TENM1: variants seen among roughly 807,000 people sequenced by gnomAD.
TENM1 encodes the protein teneurin-1.
In TENM1, 35 loss-of-function variants were observed where a neutral mutation model predicts 174.8. The ratio of observed to expected loss-of-function variants is 0.20; its 90% CI spans 0.15 to 0.27. The LOEUF is 0.27. Among genes scored for constraint, TENM1 ranks in the 10% least tolerant of loss-of-function variants. The probability of loss-of-function intolerance (pLI) is 1.00; values close to 1 mark genes in which losing one functional copy is unlikely to be tolerated. For missense variants in TENM1, 1,633 were observed against 2,130.1 expected (o/e 0.77, Z 4.59); for synonymous variants, 781 against 798.7 (o/e 0.98, Z 0.37).
chrX:124,926,187 G>A (rs746301716), intron 1 of TENM1, among the ~76,000 whole-genome samples: 3 of 112,224 alleles, frequency 2.7e-5, no homozygotes, highest in South Asian at 7.5e-4. Flanking sequence ...CTGGCCACAT[G>A]TAGTAGAAAG....
chrX:124,546,841 G>T, intron 15 of TENM1, 33 bp downstream of exon 18: 1 of 1,083,966 alleles, frequency 9.2e-7, no homozygotes, highest in Non-Finnish European at 1.3e-6. Flanking sequence ...CATGACCATT[G>T]TTCACTAAGG....
intron 14 of TENM1, among the ~76,000 whole-genome samples, chrX:124,556,301 G>A (rs371910363): frequency 1.5e-4 from 16 of 108,275 alleles, no homozygotes; most frequent in African/African-American, 5.1e-4. Context: ...AAAATTAGTC[G>A]GAGGGGCGGG....
the TENM1 span, among the ~76,000 whole-genome samples, chrX:124,978,186 T>C: frequency 1.8e-5 from 2 of 111,397 alleles, no homozygotes; most frequent in Non-Finnish European, 3.8e-5. Context: ...GTTAAGTCTT[T>C]TCATAATTTC....
chrX:124,813,928 CA>C (rs983631115), intron 3 of TENM1, among the ~76,000 whole-genome samples: 5 of 108,972 alleles, frequency 4.6e-5, no homozygotes, highest in Non-Finnish European at 7.7e-5. Flanking sequence ...CTACCTATTA[CA>C]AAAAAAAAGA....
intron 3 of TENM1, among the ~76,000 whole-genome samples, chrX:124,743,995 C>A (rs1466919642): frequency 1.8e-5 from 2 of 111,500 alleles, no homozygotes; most frequent in Non-Finnish European, 3.8e-5. Flanking sequence ...GCAGCCCTCC[C>A]CCAGCCCATT....
At chrX:124,967,386 C>T (rs189423078), upstream of TENM1, among the ~76,000 whole-genome samples, 6 of 111,469 alleles carry the variant, frequency 5.4e-5, no homozygotes, top group Non-Finnish European at 7.5e-5. Context: ...ATTCACCTAA[C>T]GTCTAAACAG....
chrX:124,771,700 TG>T (rs1246551005), intron 3 of TENM1, among the ~76,000 whole-genome samples: 1 of 111,949 alleles, frequency 8.9e-6, no homozygotes, highest in Admixed American at 9.5e-5. Context: ...AAGAATTGCT[TG>T]GAATAGAGAA....
At chrX:124,426,922 T>C (rs180691556) in intron 23 of TENM1, among the ~76,000 whole-genome samples, 1 of 110,197 alleles carries the variant, frequency 9.1e-6, no homozygotes, top group Non-Finnish European at 1.9e-5. Context: ...AGAGGGAGAG[T>C]GAACGCCTGC....
intron 15 of TENM1, among the ~76,000 whole-genome samples, chrX:124,537,062 C>T (rs995016577): frequency 9.0e-6 from 1 of 111,410 alleles, no homozygotes; most frequent in Non-Finnish European, 1.9e-5. Flanking sequence ...TGTGTTCTAG[C>T]TCTGGCTTGC....
At chrX:124,560,374 T>C (rs1029734043) in intron 14 of TENM1, among the ~76,000 whole-genome samples, 8 of 110,380 alleles carry the variant, frequency 7.2e-5, no homozygotes, top group Non-Finnish European at 1.5e-4. Flanking sequence ...TCTATATTTA[T>C]CATCAATATC....
chrX:124,813,836 A>G (rs2055837396), intron 3 of TENM1, among the ~76,000 whole-genome samples: 1 of 111,303 alleles, frequency 9.0e-6, no homozygotes, highest in Admixed American at 9.6e-5. Flanking sequence ...AAAAATGCCA[A>G]TATGCAACTT....
At chrX:124,534,206 T>A (rs892698647) in intron 15 of TENM1, among the ~76,000 whole-genome samples, 1 of 112,088 alleles carries the variant, frequency 8.9e-6, no homozygotes, top group Non-Finnish European at 1.9e-5. Context: ...GAACAGAGCA[T>A]CTTGGGAAAT....
At chrX:124,576,362 G>A (rs2049166679) in intron 11 of TENM1, among the ~76,000 whole-genome samples, 1 of 111,927 alleles carries the variant, frequency 8.9e-6, no homozygotes, top group Admixed American at 9.4e-5. Context: ...GCCCAGCCCC[G>A]CAAATATTAA....
intron 18 of TENM1, 57 bp downstream of exon 21, chrX:124,520,460 G>GC: frequency 2.0e-6 from 2 of 1,007,590 alleles, no homozygotes; most frequent in South Asian, 5.3e-5. Context: ...CATGTAACAA[G>GC]TATTTTCTGT....
At chrX:124,463,718 C>A (rs2061205877) in intron 22 of TENM1, among the ~76,000 whole-genome samples, 1 of 110,884 alleles carries the variant, frequency 9.0e-6, no homozygotes. Context: ...AGGTTCCATG[C>A]CGTGCAACTC....
chrX:125,151,954 A>G, the TENM1 span, among the ~76,000 whole-genome samples: 3 of 111,921 alleles, frequency 2.7e-5, no homozygotes, highest in African/African-American at 9.7e-5. Context: ...GAAAAAATTC[A>G]TAAAGAATAT....
At chrX:124,550,710 T>A (rs2048539838) in intron 14 of TENM1, among the ~76,000 whole-genome samples, 1 of 111,726 alleles carries the variant, frequency 9.0e-6, no homozygotes, top group Non-Finnish European at 1.9e-5. Flanking sequence ...CATGAAGTGG[T>A]TAAGGTAAAA....
At chrX:125,134,605 T>C in the TENM1 span, among the ~76,000 whole-genome samples, 2 of 112,252 alleles carry the variant, frequency 1.8e-5, no homozygotes, top group Non-Finnish European at 3.8e-5. Flanking sequence ...TGGTTTGGCC[T>C]GATACCTTTA....
At position 124,644,118 on chromosome X, in the gene TENM1, ACATATATATGC is replaced by A. The variant is rs756223849; in HGVS notation, c.1876+1014_1876+1024del. Among the ~76,000 whole-genome samples, 7 of 100,139 alleles carry A rather than the reference ACATATATATGC, an allele frequency of 7.0e-5. No individual in the cohort carries two copies. The South Asian group carries it at 3.1e-3, about 44-fold the overall frequency. The allele number at this position is 100,139 out of a possible 115,157, so 87.0% of individuals were successfully genotyped here. On this transcript the variant is annotated intron_variant, in intron 10 of 31. Coordinates refer to ENST00000422452, the Ensembl canonical transcript of TENM1. ...ATATATATGTATATGGCAGATATAT[ACATATATATGC>A]CATATATATATATAAATTTATATAT...
Sources: gnomAD v4.1 joint callset for allele counts (sites outside exome capture counted in the v4.1 genomes callset) on GRCh38, gnomAD v4.1.1 for gene constraint, MANE v1.5 for transcripts, NCBI Gene and HGNC (gene_info 2026-07-23, HGNC 2026-07-21) for gene names.